PARVG: variants seen among roughly 807,000 people sequenced by gnomAD.
The protein encoded by PARVG is gamma-parvin.
Under a neutral mutation model 44.4 loss-of-function variants are expected in PARVG, and 36 were observed. That is an observed-to-expected ratio of 0.81 (90% CI 0.62 to 1.07). PARVG has a LOEUF of 1.07. Ranked by LOEUF, PARVG falls within the 50% of genes least tolerant of loss-of-function variation. The pLI, the probability that PARVG is intolerant of heterozygous loss-of-function variation, is 0.00. For missense variants in PARVG, 407 were observed against 407.4 expected, an observed-to-expected ratio of 1.00 and a Z score of 0.01; for synonymous variants, 170 against 174.1, an observed-to-expected ratio of 0.98 and a Z score of 0.19.
Position 44,189,106 on chromosome 22 carries a change from G to A in PARVG, c.248-8G>A. The A allele has an allele frequency of 3.7e-6, 6 of 1,613,976 alleles. No individual in the cohort carries two copies. Among genetic ancestry groups the A allele is most frequent in the Non-Finnish European group, 5.1e-6 (6 of 1,180,028 alleles). On this transcript the variant is annotated splice_polypyrimidine_tract_variant and splice_region_variant and intron_variant, in intron 5 of 13. Coordinates refer to ENST00000444313, the MANE Select transcript of PARVG (RefSeq NM_022141.7). ...CCAGGGGTCCTCACCACCCTCTCCTGCCTCCAGAGAGGCTGGCGGCGCTCA... is the reference window on the plus strand; with the variant it reads ...CCAGGGGTCCTCACCACCCTCTCCTACCTCCAGAGAGGCTGGCGGCGCTCA...
At chr22:44,183,942 G>C (rs1022165750) in intron 3 of PARVG, 1 of 272,972 alleles carries the variant, frequency 3.7e-6, no homozygotes, top group African/African-American at 2.2e-5. Flanking sequence ...CCCCTCACAC[G>C]TGTGGGTCCC....
intron 12 of PARVG, among the ~76,000 whole-genome samples, chr22:44,199,916 G>T (rs1056979774): frequency 2.0e-4 from 31 of 152,190 alleles, no homozygotes; most frequent in Non-Finnish European, 2.9e-5. Flanking sequence ...GAGGCTGGTG[G>T]ACTGGCTGGG....
chr22:44,185,640 G>A, intron 3 of PARVG, 168 bp from the exon 4 acceptor site: 1 of 590,782 alleles, frequency 1.7e-6, no homozygotes. Context: ...CAGTGTCTGA[G>A]GATGAGCTGG....
chr22:44,180,721 T>C (rs1158700791), upstream of PARVG, among the ~76,000 whole-genome samples: 1 of 152,224 alleles, frequency 6.6e-6, no homozygotes, highest in African/African-American at 2.4e-5. Context: ...TCCATAAATA[T>C]TAGCAACAAT....
At position 44,196,353 on chromosome 22, in the gene PARVG, G is replaced by C. The variant is rs764083536; in HGVS notation, c.649G>C (p.Val217Leu). 1.9e-6 allele frequency: 3 copies of C among 1,614,094 alleles called. No individual in the cohort carries two copies. Among genetic ancestry groups the C allele is most frequent in the East Asian group, 4.5e-5 (2 of 44,888 alleles). The change falls in exon 11 of 14, where the codon GTG becomes CTG. Residue 217 changes from valine (V) to leucine (L), a missense_variant. Physicochemically the swap from Val to Leu is conservative, Grantham distance 32. Coordinates refer to ENST00000444313, the MANE Select transcript of PARVG (RefSeq NM_022141.7). ...CTTGTTCTTCCCTGGTTAGGCCATC[G>C]TGAACTTTGTCAACCAGAAGCTGGA... Reference protein sequence around the residue: ...EKVNAVKEAIVNFVNQKLDRL... With the variant: ...EKVNAVKEAILNFVNQKLDRL...
intron 9 of PARVG, among the ~76,000 whole-genome samples, chr22:44,195,354 A>G (rs1404511885): frequency 1.3e-5 from 2 of 152,192 alleles, no homozygotes; most frequent in Non-Finnish European, 2.9e-5. Context: ...TGAAACAGAG[A>G]GAGGTGCTGT....
intron 11 of PARVG, among the ~76,000 whole-genome samples, chr22:44,196,677 A>G (rs2054623137): frequency 2.0e-5 from 3 of 152,110 alleles, no homozygotes. Context: ...CATTGTTATA[A>G]TTTTATTTTA....
chr22:44,188,907 C>T lies in PARVG; in HGVS notation c.248-207C>T. 3 of 627,556 alleles carry T rather than the reference C, an allele frequency of 4.8e-6. No homozygotes were observed. The South Asian group carries it at 5.9e-5, about 12-fold the overall frequency. The allele number at this position is 627,556 out of a possible 1,614,324, so 38.9% of individuals were successfully genotyped here. On this transcript the variant is annotated intron_variant, in intron 5 of 13. Coordinates refer to ENST00000444313, the MANE Select transcript of PARVG (RefSeq NM_022141.7). ...ATGTGGCCTGCATGGCCCACCAATC[C>T]TGTTCTGTGTAGATGAGGGTCTCCT...
intron 4 of PARVG, chr22:44,186,811 G>C (rs1411375701): frequency 5.2e-6 from 2 of 387,958 alleles, no homozygotes; most frequent in African/African-American, 2.1e-5. Context: ...GCTCAAGCCT[G>C]CTGGGTACCC....
chr22:44,181,040 C>A lies in PARVG; in HGVS notation c.-334C>A. The A allele has an allele frequency of 1.1e-6, 1 of 947,724 alleles. No homozygotes were observed. The highest frequency in any genetic ancestry group is 1.3e-6 in the Non-Finnish European group (1 of 795,604). The allele number at this position is 947,724 out of a possible 1,614,324, so 58.7% of individuals were successfully genotyped here. ...CTGTTTTCTCCACCTGCCACGTTCTCACCCCTTCTTCTTCCACTGCAAACT... is the reference window on the plus strand; with the variant it reads ...CTGTTTTCTCCACCTGCCACGTTCTAACCCCTTCTTCTTCCACTGCAAACT... On this transcript the variant is annotated 5_prime_UTR_variant, in exon 1 of 14. The change creates a premature stop within an existing upstream ORF in the 5' untranslated region. Coordinates refer to ENST00000444313, the MANE Select transcript of PARVG (RefSeq NM_022141.7).
In PARVG at chr22:44,183,312, G is replaced by T; in HGVS notation, c.-12-6G>T. 1 of 1,604,126 alleles carries T rather than the reference G, an allele frequency of 6.2e-7. No homozygotes were observed. ...CGTGACGCCCTCTCCTGCCTCCTCTGTGCAGGCTTGGGAGGCGATGGAGCC... is the reference window on the plus strand; with the variant it reads ...CGTGACGCCCTCTCCTGCCTCCTCTTTGCAGGCTTGGGAGGCGATGGAGCC... On this transcript the variant is annotated splice_polypyrimidine_tract_variant and splice_region_variant and intron_variant, in intron 2 of 13. Transcript: ENST00000444313.
chr22:44,183,443 A>G (rs775622258), intron 3 of PARVG, 35 bp downstream of exon 3: 2 of 1,547,558 alleles, frequency 1.3e-6, no homozygotes, highest in Non-Finnish European at 1.7e-6. Context: ...GTGGAGGGTG[A>G]AGGTCTGTGT....
In PARVG at chr22:44,198,723, G is replaced by A; in HGVS notation, c.813+1G>A. The A allele has an allele frequency of 6.2e-7, 1 of 1,603,992 alleles. No individual in the cohort carries two copies. ...CACTCCCAACTCTCCTGCAGAAATG[G>A]TAAGTTTTCCAAGGATTTTTCTTTA... On this transcript the variant is annotated splice_donor_variant, in intron 12 of 13. Transcript: ENST00000444313. LOFTEE classifies it high-confidence loss of function.
At position 44,207,782 on chromosome 22, in the gene PARVG, C is replaced by T. The variant is rs963709698; in HGVS notation, c.*1356C>T. 6.6e-6 allele frequency: 1 copy of T among 152,274 alleles called. No individual in the cohort carries two copies. Among genetic ancestry groups the T allele is most frequent in the African/African-American group, 2.4e-5 (1 of 41,400 alleles). 9.4% of individuals were successfully genotyped at this position (152,274 alleles called of 1,614,324 possible). A position where few individuals can be genotyped will look rare whatever the true frequency, so the allele number is the denominator to read the frequency against. On this transcript the variant is annotated 3_prime_UTR_variant, in exon 14 of 14. Transcript: ENST00000444313. ...AGGCCTTGAGGGGTCTTCCCTTCACCTAGCCTCCCATCTGCCTGCCCTTCT... is the reference window on the plus strand; with the variant it reads ...AGGCCTTGAGGGGTCTTCCCTTCACTTAGCCTCCCATCTGCCTGCCCTTCT...
chr22:44,185,572 T>G (rs1259504388), intron 3 of PARVG: 3 of 439,196 alleles, frequency 6.8e-6, no homozygotes, highest in African/African-American at 6.0e-5. Context: ...CAGTTAACTT[T>G]GAATGTCAAG....
chr22:44,194,767 C>T lies in PARVG; in HGVS notation c.583+944C>T, dbSNP rs369810312. Among the ~76,000 whole-genome samples the T allele has an allele frequency of 1.9e-3, 286 of 151,552 alleles. 4 individuals carry two copies. In the South Asian group the frequency reaches 0.023, roughly 12 times the overall value. On this transcript the variant is annotated intron_variant, in intron 9 of 13. Transcript: ENST00000444313. The stretch of plus-strand genomic sequence containing the variant: ...CCATTCATGCTTCCATTCATCCATC[C>T]GCCTACCCATCCATCATCTATCCAT...
chr22:44,183,246 A>C, intron 2 of PARVG, 72 bp from the exon 3 acceptor site: 175 of 1,384,710 alleles, frequency 1.3e-4, no homozygotes, highest in Non-Finnish European at 1.5e-4. Context: ...CTCCAGGTCT[A>C]GAGAAAATGA....
intron 13 of PARVG, among the ~76,000 whole-genome samples, 164 bp downstream of exon 13, chr22:44,205,993 G>T (rs2054775790): frequency 6.6e-6 from 1 of 152,174 alleles, no homozygotes; most frequent in Admixed American, 6.5e-5. Context: ...TCTTGGGAGG[G>T]GGCACTGCAG....
At chr22:44,200,775 G>T (rs1043272370) in intron 12 of PARVG, among the ~76,000 whole-genome samples, 1 of 152,180 alleles carries the variant, frequency 6.6e-6, no homozygotes, top group Non-Finnish European at 1.5e-5. Context: ...GGCGTCCTTG[G>T]CCCTGGATCA....
Sources: allele counts gnomAD v4.1 joint callset (sites outside exome capture counted in the v4.1 genomes callset), GRCh38; gene constraint gnomAD v4.1.1; transcripts MANE v1.5; gene names NCBI Gene and HGNC (gene_info 2026-07-23, HGNC 2026-07-21).